The following GOLGA8M variants were observed in gnomAD, a reference collection of about 807,000 sequenced individuals.
The protein encoded by GOLGA8M is golgin subfamily A member 8M.
Under a neutral mutation model 87.7 loss-of-function variants are expected in GOLGA8M, and 34 were observed. That is an observed-to-expected ratio of 0.39 (90% CI 0.29 to 0.52). GOLGA8M has a LOEUF of 0.52. Ranked by LOEUF, GOLGA8M falls within the 20% of genes least tolerant of loss-of-function variation. The pLI is 0.80. For synonymous variants in GOLGA8M, 138 were observed against 250.2 expected, an observed-to-expected ratio of 0.55 and a Z score of 4.23; for missense variants, 396 against 682.2, an observed-to-expected ratio of 0.58 and a Z score of 4.67.
At chr15:28,706,791 C>T (rs981241496) in intron 8 of GOLGA8M, 92 bp from the exon 9 acceptor site, 8 of 1,269,476 alleles carry the variant, frequency 6.3e-6, no homozygotes, top group Non-Finnish European at 8.7e-6. Context: ...GCCCAATATA[C>T]AACTCGGTCA....
rs1202711990 is a variant in GOLGA8M at position 28,706,866 on chromosome 15, G to A, written c.592-167C>T. ...TAAAAGAACACAGTAAAGTTGGAAC[G>A]GACAGGGAATGAGATTGAGTTTATA... is the stretch of plus-strand genomic sequence containing the variant. On this transcript the variant is annotated intron_variant, in intron 8 of 18. Transcript: ENST00000563027. Among the ~76,000 whole-genome samples, 688 of 135,476 alleles carry A rather than the reference G, an allele frequency of 5.1e-3. 7 individuals carry two copies. Among genetic ancestry groups the A allele is most frequent in the African/African-American group, 0.014 (457 of 33,272 alleles). The allele number at this position is 135,476 out of a possible 152,430, so 88.9% of individuals were successfully genotyped here. A position where few individuals can be genotyped will look rare whatever the true frequency, so the allele number is the denominator to read the frequency against.
chr15:28,701,607 C>A lies in GOLGA8M; in HGVS notation c.*347G>T, dbSNP rs569302701. 6.9e-3 allele frequency among the ~76,000 whole-genome samples: 1,042 copies of A among 151,782 alleles called. 14 individuals are homozygous for A. The highest frequency in any genetic ancestry group is 0.024 in the African/African-American group (991 of 41,304). On this transcript the variant is annotated 3_prime_UTR_variant, in exon 19 of 19. Transcript: ENST00000563027. ...CTGCAATAACATTAAAAAAGCATGGCAGCCTATTCCAAACCAGCGAGAACA... is the reference window on the plus strand; with the variant it reads ...CTGCAATAACATTAAAAAAGCATGGAAGCCTATTCCAAACCAGCGAGAACA...
rs78557271 is a variant in GOLGA8M at position 28,702,280 on chromosome 15, A to G, written c.1657T>C (p.Ser553Pro). 114,135 of 1,460,626 alleles carry G rather than the reference A, an allele frequency of 0.078. 20,864 individuals carry two copies. The highest frequency in any genetic ancestry group is 0.63 in the East Asian group (24,967 of 39,388). 90.5% of individuals were successfully genotyped at this position (1,460,626 alleles called of 1,614,324 possible). ...HRKFLAAAHN[S>P]ADEPGPGAPA... ...GCTCCTGGACCGGGCTCATCAGCAG[A>G]GTTGTGGGCAGCGGCCAGGAATTTT... The change falls in exon 18 of 19, where the codon TCT becomes CCT. Residue 553 changes from serine to proline, a missense_variant. Coordinates refer to ENST00000563027, the MANE Select transcript of GOLGA8M (RefSeq NM_001282468.3).
At chr15:28,705,269 G>A (rs1235809929) in intron 12 of GOLGA8M, 42 bp from the exon 13 acceptor site, 1 of 1,570,792 alleles carries the variant, frequency 6.4e-7, no homozygotes. Context: ...ACTGCAGCTG[G>A]AGACCCCAGA....
Position 28,706,649 on chromosome 15 carries a change from C to T in GOLGA8M, c.642G>A (p.Met214Ile), listed in dbSNP as rs1325051274. ...GCACTTTCAGTAGTGCCTCCTCCCGCATGGACTGCTCTAACTTCCACTCCG... is the reference window on the plus strand; with the variant it reads ...GCACTTTCAGTAGTGCCTCCTCCCGTATGGACTGCTCTAACTTCCACTCCG... ...AGTEWKLEQS[M>I]REEALLKVQL... The change falls in exon 9 of 19, where the codon ATG becomes ATA. Residue 214 changes from methionine (M) to isoleucine (I), a missense_variant. Physicochemically the swap from Met to Ile is conservative, Grantham distance 10. Coordinates refer to ENST00000563027, the MANE Select transcript of GOLGA8M (RefSeq NM_001282468.3). 5.8e-6 allele frequency: 9 copies of T among 1,548,538 alleles called. No individual in the cohort carries two copies. The highest frequency in any genetic ancestry group is 1.8e-5 in the Admixed American group (1 of 55,234).
At chr15:28,702,934 T>TC in intron 15 of GOLGA8M, 189 bp from the exon 16 acceptor site, 1 of 975,462 alleles carries the variant, frequency 1.0e-6, no homozygotes, top group Non-Finnish European at 1.2e-6. Context: ...TCTGGCTGCC[T>TC]CTGGCTCCTT....
chr15:28,703,980 A>C (rs79149982), intron 13 of GOLGA8M, 63 bp from the exon 14 acceptor site: 104,638 of 1,513,082 alleles, frequency 0.069, 10,195 homozygotes, highest in East Asian at 0.56. Flanking sequence ...TCACAGCCCC[A>C]TCCTCCGCAG....
chr15:28,712,451 G>A (rs897449714), upstream of GOLGA8M: 4 of 1,604,906 alleles, frequency 2.5e-6, no homozygotes, highest in South Asian at 1.1e-5. Context: ...CAGGGCCCCA[G>A]TAGAATGCGG....
chr15:28,700,657 CTAAG>C lies in GOLGA8M; in HGVS notation c.*1293_*1296del, dbSNP rs770182207. ...CTACTAAAACTCCTTTTTGTTTCAA[CTAAG>C]TATCTCACATATATTAGTTTATAAT... On this transcript the variant is annotated 3_prime_UTR_variant, in exon 19 of 19. Coordinates refer to ENST00000563027, the MANE Select transcript of GOLGA8M (RefSeq NM_001282468.3). 4.9e-3 allele frequency among the ~76,000 whole-genome samples: 728 copies of C among 149,984 alleles called. 5 individuals are homozygous for C. Among genetic ancestry groups the C allele is most frequent in the South Asian group, 9.9e-3 (46 of 4,646 alleles).
rs3826011 is a variant in GOLGA8M at position 28,702,248 on chromosome 15, A to G, written c.1689T>C (p.Ala563=). ...SADEPGPGAP[A]PQELGAADKH... Reference sequence around the variant, plus strand: ...TGTCTGCAGCCCCAAGCTCCTGGGGAGCTGGGGCTCCTGGACCGGGCTCAT... The same window carrying G: ...TGTCTGCAGCCCCAAGCTCCTGGGGGGCTGGGGCTCCTGGACCGGGCTCAT... Residue 563 remains alanine (A), a synonymous_variant, in exon 18 of 19, where the codon GCT becomes GCC. Transcript: ENST00000563027. 13,598 of 1,568,080 alleles carry G rather than the reference A, an allele frequency of 8.7e-3. 238 individuals carry two copies. Among genetic ancestry groups the G allele is most frequent in the African/African-American group, 0.042 (2,951 of 71,046 alleles).
chr15:28,708,786 G>T (rs909698194), intron 4 of GOLGA8M, among the ~76,000 whole-genome samples: 3 of 152,026 alleles, frequency 2.0e-5, no homozygotes, highest in African/African-American at 2.4e-5. Context: ...AGCAGATATA[G>T]GATGGAAAAG....
chr15:28,703,580 C>G lies in GOLGA8M; in HGVS notation c.1277-170G>C. 1.2e-5 allele frequency: 7 copies of G among 573,612 alleles called. No homozygotes were observed. The South Asian group carries it at 1.4e-4, about 12-fold the overall frequency. 35.5% of individuals were successfully genotyped at this position (573,612 alleles called of 1,614,324 possible). ...AGAATCAAGATCTTGCTATTCCGCC[C>G]AGGCACACTCCCACTACTGGTCGAT... On this transcript the variant is annotated intron_variant, in intron 14 of 18. Transcript: ENST00000563027.
rs572586730 is a variant in GOLGA8M, at chr15:28,700,950, C to T, written c.*1004G>A. On this transcript the variant is annotated 3_prime_UTR_variant, in exon 19 of 19. Coordinates refer to ENST00000563027, the MANE Select transcript of GOLGA8M (RefSeq NM_001282468.3). ...CTCATAAAGGATTTCTTATGATCTT[C>T]ACTAAATACATTAAGAAGAATGCCA... 6.6e-4 allele frequency among the ~76,000 whole-genome samples: 101 copies of T among 152,228 alleles called. No homozygotes were observed. The highest frequency in any genetic ancestry group is 2.4e-3 in the African/African-American group (100 of 41,544).
chr15:28,708,331 C>G (rs1287804785), intron 5 of GOLGA8M, 44 bp downstream of exon 5: 4 of 1,608,744 alleles, frequency 2.5e-6, no homozygotes, highest in African/African-American at 1.3e-5. Flanking sequence ...GAAGGGTGAG[C>G]CTTCTTCCAG....
intron 13 of GOLGA8M, among the ~76,000 whole-genome samples, chr15:28,704,810 C>T (rs1326436372): frequency 6.9e-6 from 1 of 145,408 alleles, no homozygotes; most frequent in Non-Finnish European, 1.5e-5. Flanking sequence ...TGATCTCAAA[C>T]TCCCGACCTC....
intron 2 of GOLGA8M, among the ~76,000 whole-genome samples, chr15:28,710,082 C>T (rs1316264043): frequency 1.4e-5 from 2 of 141,514 alleles, no homozygotes; most frequent in East Asian, 6.9e-4. Context: ...ACCCAGAATT[C>T]CTTTTTTTTT....
chr15:28,713,100 G>A (rs561557370), upstream of GOLGA8M, among the ~76,000 whole-genome samples: 1 of 151,918 alleles, frequency 6.6e-6, no homozygotes, highest in South Asian at 2.1e-4. Context: ...AGGACTTTGA[G>A]AGCCCAAGGT....
chr15:28,703,462 GT>G (rs2079891568), intron 14 of GOLGA8M, 52 bp from the exon 15 acceptor site: 1 of 575,652 alleles, frequency 1.7e-6, no homozygotes, highest in Non-Finnish European at 2.8e-6. Context: ...GGGAGGTACT[GT>G]GGGCCCACCT....
In GOLGA8M at chr15:28,708,052, C is replaced by G. The variant is rs947107382; in HGVS notation, c.397-15G>C. 89 of 1,604,710 alleles carry G rather than the reference C, an allele frequency of 5.5e-5. 1 individual carries two copies. The highest frequency in any genetic ancestry group is 7.3e-5 in the Non-Finnish European group (86 of 1,179,310). On this transcript the variant is annotated splice_polypyrimidine_tract_variant and intron_variant, in intron 6 of 18. Coordinates refer to ENST00000563027, the MANE Select transcript of GOLGA8M (RefSeq NM_001282468.3). ...TGGAGTTGAACCTTTGGGAGAAAAG[C>G]CAAGCAAGTGCTGAAAGAGAAGGAA...
Sources: gnomAD v4.1 joint callset for allele counts (sites outside exome capture counted in the v4.1 genomes callset) on GRCh38, gnomAD v4.1.1 for gene constraint, MANE v1.5 for transcripts, NCBI Gene and HGNC (gene_info 2026-07-23, HGNC 2026-07-21) for gene names.